The following PPP1R13L variants were observed in gnomAD, a reference collection of about 807,000 sequenced individuals.
PPP1R13L encodes protein phosphatase 1 regulatory subunit 13 like.
PPP1R13L carries 50 observed loss-of-function variants against 80.9 expected under a neutral mutation model. That is an observed-to-expected ratio of 0.62 (90% CI 0.49 to 0.78). The LOEUF is 0.78. PPP1R13L is among the 30% of genes least tolerant of loss of function. The pLI is 0.00. For synonymous variants in PPP1R13L, 602 were observed against 534.3 expected (o/e 1.13, Z -1.75); for missense variants, 1,200 against 1,205.9 (o/e 1.00, Z 0.07).
At chr19:45,386,205 G>A (rs768811550) in intron 8 of PPP1R13L, 25 bp from the exon 9 acceptor site, 1 of 1,487,942 alleles carries the variant, frequency 6.7e-7, no homozygotes, top group Non-Finnish European at 8.8e-7. Context: ...GCAGAGGTCA[G>A]CGACTTGGAG....
chr19:45,380,320 C>T, intron 12 of PPP1R13L, 92 bp from the exon 13 acceptor site: 2 of 1,440,088 alleles, frequency 1.4e-6, no homozygotes, highest in East Asian at 4.6e-5. Context: ...CCCACCCCTT[C>T]CTAAGGGGAC....
At chr19:45,402,946 C>A (rs1395556626) in intron 1 of PPP1R13L, among the ~76,000 whole-genome samples, 1 of 152,208 alleles carries the variant, frequency 6.6e-6, no homozygotes, top group Non-Finnish European at 1.5e-5. Flanking sequence ...TGGACTCCTA[C>A]AGCCCTGTCG....
At chr19:45,380,862 C>G (rs529113586) in intron 12 of PPP1R13L, among the ~76,000 whole-genome samples, 10 of 140,010 alleles carry the variant, frequency 7.1e-5, no homozygotes, top group African/African-American at 1.6e-4. Context: ...AAAAAAAAAA[C>G]CAAAATAAAA....
chr19:45,398,353 A>AG lies in PPP1R13L; in HGVS notation c.-21-15dup, dbSNP rs1378403103. ...CGGAGCGGGCGCCTGCATGGTGGGG[A>AG]GGGAGGGAGCTGGCTAAGACCCCGC... On this transcript the variant is annotated splice_polypyrimidine_tract_variant and intron_variant, in intron 1 of 12. Transcript: ENST00000360957. 4 of 1,611,034 alleles carry AG rather than the reference A, an allele frequency of 2.5e-6. No homozygotes were observed. In the South Asian group the frequency reaches 4.4e-5, roughly 18 times the overall value.
In PPP1R13L at chr19:45,395,782, C is replaced by T. The variant is rs766957132; in HGVS notation, c.1008G>A (p.Ala336=). The stretch of plus-strand genomic sequence containing the variant: ...TGCGAGGCAAAGTGCCCGACGGCCC[C>T]GCGGAGCCCAGCGAGCGCCGGTAGC... The part of the protein sequence containing the change: ...AGSYRRSLGS[A]GPSGTLPRSW... Residue 336 remains alanine, a synonymous_variant, in exon 7 of 13, where the codon GCG becomes GCA. Coordinates refer to ENST00000360957, the MANE Select transcript of PPP1R13L (RefSeq NM_006663.4). 1 of 1,567,800 alleles carries T rather than the reference C, an allele frequency of 6.4e-7. No individual in the cohort carries two copies. The highest frequency in any genetic ancestry group is 1.9e-5 in the Admixed American group (1 of 53,752).
At chr19:45,405,888 G>C (rs539473291), upstream of PPP1R13L, among the ~76,000 whole-genome samples, 1 of 152,208 alleles carries the variant, frequency 6.6e-6, no homozygotes, top group Non-Finnish European at 1.5e-5. Context: ...CTGTGTCCAC[G>C]TGCCGCTGTT....
At chr19:45,387,728 T>A (rs1382040649) in intron 8 of PPP1R13L, among the ~76,000 whole-genome samples, 1 of 152,110 alleles carries the variant, frequency 6.6e-6, no homozygotes, top group African/African-American at 2.4e-5. Flanking sequence ...CTATTTTGTA[T>A]TTTTAGTAAA....
intron 12 of PPP1R13L, among the ~76,000 whole-genome samples, chr19:45,381,131 T>C (rs1254651690): frequency 6.6e-6 from 1 of 151,082 alleles, no homozygotes; most frequent in Non-Finnish European, 1.5e-5. Flanking sequence ...CAGGGCTCAC[T>C]GCAGGATCAA....
chr19:45,396,532 C>G lies in PPP1R13L; in HGVS notation c.712+13G>C, dbSNP rs1168735758. 3 of 1,577,496 alleles carry G rather than the reference C, an allele frequency of 1.9e-6. No individual in the cohort carries two copies. The East Asian group carries it at 6.7e-5, about 35-fold the overall frequency. On this transcript the variant is annotated intron_variant, in intron 4 of 12. Transcript: ENST00000360957. The surrounding 1 kb of genome is among the most constrained non-coding windows in gnomAD (Gnocchi z 5.3). ...CGCGAGTCAAAGGCCCCGCGAGGGG[C>G]CCCTGGGTTCACCTTGCGCGCGCAG... is the stretch of plus-strand genomic sequence containing the variant.
chr19:45,382,155 T>TG (rs1025789912), intron 12 of PPP1R13L, among the ~76,000 whole-genome samples: 16 of 147,680 alleles, frequency 1.1e-4, no homozygotes, highest in African/African-American at 2.0e-4. Context: ...TGAGCCCGGG[T>TG]GGGGGGGGCC....
intron 12 of PPP1R13L, 92 bp downstream of exon 12, chr19:45,382,435 G>C: frequency 6.9e-7 from 1 of 1,452,184 alleles, no homozygotes. Context: ...ATAACGGTTT[G>C]TTCCTGTTGC....
At position 45,396,875 on chromosome 19, in the gene PPP1R13L, GC is replaced by G; in HGVS notation, c.381del (p.Gln128SerfsTer96). 6.5e-7 allele frequency: 1 copy of G among 1,530,858 alleles called. No homozygotes were observed. The allele number at this position is 1,530,858 out of a possible 1,614,324, so 94.8% of individuals were successfully genotyped here. A position where few individuals can be genotyped will look rare whatever the true frequency, so the allele number is the denominator to read the frequency against. On this transcript the variant is annotated frameshift_variant, in exon 4 of 13. Coordinates refer to ENST00000360957, the MANE Select transcript of PPP1R13L (RefSeq NM_006663.4). LOFTEE classifies it high-confidence loss of function. This position sits in a 1 kb window ranked among gnomAD's most constrained non-coding sequence, Gnocchi z 5.3. ...TCCAGGCTGCCGTAGGCGTCCGGCT[GC>G]AGGTAGAGCGGGGTGCGCGGCGACG... Reference protein sequence around the residue: ...RPSSPRTPLYLQPDAYGSLDR... With the variant: ...RPSSPRTPLYXQPDAYGSLDR...
At chr19:45,399,092 T>C (rs771595730) in intron 1 of PPP1R13L, among the ~76,000 whole-genome samples, 3 of 151,634 alleles carry the variant, frequency 2.0e-5, no homozygotes, top group Non-Finnish European at 4.4e-5. Flanking sequence ...TACAGGCGCC[T>C]GCCACCATGC....
chr19:45,396,290 G>A lies in PPP1R13L; in HGVS notation c.812-31C>T. 6.2e-7 allele frequency: 1 copy of A among 1,613,478 alleles called. No homozygotes were observed. Among genetic ancestry groups the A allele is most frequent in the Non-Finnish European group, 8.5e-7 (1 of 1,179,946 alleles). ...GGGCGGGAATCATTAGGGTCTGTGG[G>A]GCTGCCTCTCCTCCGGGTCCTCCAT... is the stretch of plus-strand genomic sequence containing the variant. On this transcript the variant is annotated intron_variant, in intron 5 of 12. Transcript: ENST00000360957. The surrounding 1 kb of genome is among the most constrained non-coding windows in gnomAD (Gnocchi z 5.3).
At chr19:45,405,302 C>G (rs1369987818), upstream of PPP1R13L, among the ~76,000 whole-genome samples, 3 of 152,300 alleles carry the variant, frequency 2.0e-5, no homozygotes, top group South Asian at 4.1e-4. Flanking sequence ...ACAGAAGAGC[C>G]GAGACGCCTG....
chr19:45,396,029 AG>A lies in PPP1R13L; in HGVS notation c.903+138del. 7.8e-7 allele frequency: 1 copy of A among 1,283,594 alleles called. No individual in the cohort carries two copies. The highest frequency in any genetic ancestry group is 1.1e-6 in the Non-Finnish European group (1 of 934,598). 79.5% of individuals were successfully genotyped at this position (1,283,594 alleles called of 1,614,324 possible). Reference sequence around the variant, plus strand: ...AAGGGTGAGGAAGGAGCAGAAACCCAGCACAGTGAAGGGAGAGCGTGGGAAC... The same window carrying A: ...AAGGGTGAGGAAGGAGCAGAAACCCACACAGTGAAGGGAGAGCGTGGGAAC... On this transcript the variant is annotated intron_variant, in intron 6 of 12. Transcript: ENST00000360957. This position sits in a 1 kb window ranked among gnomAD's most constrained non-coding sequence, Gnocchi z 5.3.
At chr19:45,381,800 C>A (rs1263306421) in intron 12 of PPP1R13L, among the ~76,000 whole-genome samples, 1 of 149,824 alleles carries the variant, frequency 6.7e-6, no homozygotes, top group South Asian at 2.1e-4. Context: ...ATTAGCCGTG[C>A]GTGGTGGCAT....
At chr19:45,385,349 C>T (rs769651963) in intron 11 of PPP1R13L, among the ~76,000 whole-genome samples, 1 of 152,230 alleles carries the variant, frequency 6.6e-6, no homozygotes, top group South Asian at 2.1e-4. Flanking sequence ...GTGTCCAGCT[C>T]GCATAGCACA....
At chr19:45,399,167 T>C (rs1055034242) in intron 1 of PPP1R13L, among the ~76,000 whole-genome samples, 2 of 148,014 alleles carry the variant, frequency 1.4e-5, no homozygotes, top group Non-Finnish European at 3.0e-5. Context: ...ATGGTCTCGA[T>C]CTCCTGACCG....
Sources: gnomAD v4.1 joint callset for allele counts (sites outside exome capture counted in the v4.1 genomes callset) on GRCh38, gnomAD v4.1.1 for gene constraint, Gnocchi (gnomAD v3.1) non-coding constraint, MANE v1.5 for transcripts, NCBI Gene and HGNC (gene_info 2026-07-23, HGNC 2026-07-21) for gene names.